The following WDPCP variants were observed in gnomAD, a reference collection of about 807,000 sequenced individuals.
WDPCP encodes the protein WD repeat containing planar cell polarity effector.
In WDPCP, 71 loss-of-function variants were observed where a neutral mutation model predicts 93.1. The ratio of observed to expected loss-of-function variants is 0.76; its 90% CI spans 0.63 to 0.93. The LOEUF is 0.93. Among genes scored for constraint, WDPCP ranks in the 40% least tolerant of loss-of-function variants. WDPCP has a pLI of 0.00. For synonymous variants in WDPCP, 315 were observed against 315.0 expected (o/e 1.00, Z 0.00); for missense variants, 844 against 887.4 (o/e 0.95, Z 0.62).
At chr2:63,190,222 G>A (rs1054820086) in intron 14 of WDPCP, among the ~76,000 whole-genome samples, 4 of 152,068 alleles carry the variant, frequency 2.6e-5, no homozygotes, top group African/African-American at 9.7e-5. Context: ...GAGCCAAGCA[G>A]TTCAAGACCA....
intron 3 of WDPCP, among the ~76,000 whole-genome samples, chr2:63,610,551 A>G (rs1256920196): frequency 1.3e-5 from 2 of 152,056 alleles, no homozygotes; most frequent in Non-Finnish European, 1.5e-5. Flanking sequence ...AAAAATACAC[A>G]TATTTATTTT....
chr2:63,786,856 G>T (rs1382603109), intron 2 of WDPCP, among the ~76,000 whole-genome samples: 1 of 152,058 alleles, frequency 6.6e-6, no homozygotes, highest in Non-Finnish European at 1.5e-5. Context: ...CAAAATTATT[G>T]TTATATGAAA....
At chr2:63,309,930 C>A (rs1686051523) in intron 13 of WDPCP, among the ~76,000 whole-genome samples, 2 of 152,104 alleles carry the variant, frequency 1.3e-5, no homozygotes, top group Admixed American at 6.6e-5. Flanking sequence ...AGTATGTACT[C>A]TGAAACTAGG....
intron 2 of WDPCP, among the ~76,000 whole-genome samples, chr2:63,657,210 T>G (rs1404794557): frequency 1.4e-5 from 2 of 145,858 alleles, no homozygotes; most frequent in Non-Finnish European, 3.0e-5. Flanking sequence ...GTGATGTTTT[T>G]TTTTTTTTTT....
intron 1 of WDPCP, among the ~76,000 whole-genome samples, chr2:63,530,178 G>A (rs537554487): frequency 1.9e-4 from 29 of 152,028 alleles, no homozygotes; most frequent in African/African-American, 6.0e-4. Flanking sequence ...TTTTTTGTAG[G>A]GTTTTTTGTG....
intron 14 of WDPCP, among the ~76,000 whole-genome samples, chr2:63,248,294 A>G (rs2104693940): frequency 6.6e-6 from 1 of 152,252 alleles, no homozygotes; most frequent in East Asian, 1.9e-4. Context: ...CTGGCCTCCA[A>G]AGCTTCTGCT....
At chr2:63,154,169 T>G (rs1034148308) in intron 15 of WDPCP, among the ~76,000 whole-genome samples, 2 of 152,046 alleles carry the variant, frequency 1.3e-5, no homozygotes, top group African/African-American at 4.8e-5. Context: ...TTGTACTGTT[T>G]ATATGTTAAA....
At chr2:63,308,721 C>T (rs527644126) in intron 13 of WDPCP, among the ~76,000 whole-genome samples, 1 of 152,136 alleles carries the variant, frequency 6.6e-6, no homozygotes, top group East Asian at 1.9e-4. Context: ...GGGAGGGGAA[C>T]ATCACACACT....
chr2:63,325,435 G>A (rs1687458041), intron 12 of WDPCP, among the ~76,000 whole-genome samples: 1 of 152,182 alleles, frequency 6.6e-6, no homozygotes. Flanking sequence ...GGTGCCTCGG[G>A]AAAGCGCCAG....
At chr2:63,170,053 A>C (rs1346100612) in intron 15 of WDPCP, among the ~76,000 whole-genome samples, 2 of 150,994 alleles carry the variant, frequency 1.3e-5, no homozygotes, top group African/African-American at 4.9e-5. Context: ...CCACCATGCC[A>C]GGCTAATTTT....
At chr2:63,293,682 A>C (rs1684616841) in intron 13 of WDPCP, among the ~76,000 whole-genome samples, 1 of 152,212 alleles carries the variant, frequency 6.6e-6, no homozygotes, top group Admixed American at 6.5e-5. Flanking sequence ...ATAAAAAGAA[A>C]ACCTAAAAGC....
At chr2:63,807,369 T>A (rs1366093983) in intron 2 of WDPCP, among the ~76,000 whole-genome samples, 1 of 152,180 alleles carries the variant, frequency 6.6e-6, no homozygotes, top group East Asian at 1.9e-4. Context: ...TAAAAGAGTG[T>A]GACACCTCCC....
chr2:63,770,985 G>A (rs890986917), intron 2 of WDPCP, among the ~76,000 whole-genome samples: 2 of 151,592 alleles, frequency 1.3e-5, no homozygotes, highest in African/African-American at 4.8e-5. Flanking sequence ...AAAATGTTAT[G>A]CTAAAGTATA....
chr2:63,714,055 CTT>C (rs747120283), intron 2 of WDPCP, among the ~76,000 whole-genome samples: 21 of 135,056 alleles, frequency 1.6e-4, no homozygotes, highest in Admixed American at 3.0e-4. Flanking sequence ...CTTTTTTATT[CTT>C]TTTTTTTTTT....
At chr2:63,575,867 C>A (rs923119785) in intron 1 of WDPCP, among the ~76,000 whole-genome samples, 1 of 151,932 alleles carries the variant, frequency 6.6e-6, no homozygotes, top group Non-Finnish European at 1.5e-5. Flanking sequence ...CAGTAAATAA[C>A]ATGAATCCTA....
At chr2:63,351,348 A>C (rs1164377879) in intron 12 of WDPCP, among the ~76,000 whole-genome samples, 5 of 152,102 alleles carry the variant, frequency 3.3e-5, no homozygotes, top group African/African-American at 1.2e-4. Flanking sequence ...GTGTGATGCT[A>C]AGGTTTGGGG....
chr2:63,819,652 T>C (rs2104120800), intron 1 of WDPCP, among the ~76,000 whole-genome samples: 1 of 152,300 alleles, frequency 6.6e-6, no homozygotes. Context: ...GTGATACTGT[T>C]GCTTCTGGTC....
chr2:63,772,476 C>T (rs1670243331), intron 2 of WDPCP, among the ~76,000 whole-genome samples: 1 of 152,012 alleles, frequency 6.6e-6, no homozygotes, highest in Non-Finnish European at 1.5e-5. Context: ...CAAAACCTCA[C>T]AAGGCCAATA....
intron 12 of WDPCP, among the ~76,000 whole-genome samples, chr2:63,353,385 C>T (rs1010194073): frequency 1.3e-5 from 2 of 152,176 alleles, no homozygotes; most frequent in African/African-American, 2.4e-5. Flanking sequence ...AAACAGCCTG[C>T]AAGTCCCACT....
Sources: allele counts gnomAD v4.1 joint callset (sites outside exome capture counted in the v4.1 genomes callset), GRCh38; gene constraint gnomAD v4.1.1; transcripts MANE v1.5; gene names NCBI Gene and HGNC (gene_info 2026-07-23, HGNC 2026-07-21).